Variants in ZFP2 observed in about 807,000 individuals in gnomAD.
ZFP2 encodes the protein ZFP2 zinc finger protein.
In ZFP2, 33 loss-of-function variants were observed where a neutral mutation model predicts 36.1. The ratio of observed to expected loss-of-function variants is 0.92; its 90% confidence interval spans 0.69 to 1.22. The LOEUF (loss-of-function observed/expected upper bound fraction) is 1.22, where lower values mean the gene tolerates loss of function less well. ZFP2 is among the 50% of genes most tolerant of loss of function. ZFP2 has a pLI of 0.00. For synonymous variants in ZFP2, 170 were observed against 178.0 expected (o/e 0.96, Z 0.36); for missense variants, 522 against 551.4 (o/e 0.95, Z 0.53).
At chr5:178,916,957 A>G (rs986171536) in intron 4 of ZFP2, among the ~76,000 whole-genome samples, 2 of 152,176 alleles carry the variant, frequency 1.3e-5, no homozygotes, top group Admixed American at 1.3e-4. Context: ...AAAGCTTTGT[A>G]CAGTTGAAAG....
Position 178,924,209 on chromosome 5 carries a change from T to C in ZFP2, c.-77-7028T>C, listed in dbSNP as rs1185112318. Among the ~76,000 whole-genome samples the C allele has an allele frequency of 1.3e-5, 2 of 148,192 alleles. 1 individual carries two copies. The highest frequency in any genetic ancestry group is 3.0e-5 in the Non-Finnish European group (2 of 66,068). ...TAACACGGTGAAACCCCGTCTGTACTAAAACCACAAAAAATTAGCCGGGCA... is the reference window on the plus strand; with the variant it reads ...TAACACGGTGAAACCCCGTCTGTACCAAAACCACAAAAAATTAGCCGGGCA... On this transcript the variant is annotated intron_variant, in intron 4 of 4. Coordinates refer to ENST00000361362, the MANE Select transcript of ZFP2 (RefSeq NM_030613.4).
intron 1 of ZFP2, chr5:178,910,703 T>TAGCCAAC (rs745456281): frequency 6.5e-5 from 19 of 290,460 alleles, no homozygotes; most frequent in African/African-American, 3.1e-4. Flanking sequence ...TCAGAGGAGC[T>TAGCCAAC]AGCCAACAGC....
intron 1 of ZFP2, among the ~76,000 whole-genome samples, chr5:178,897,500 C>T (rs1034674778): frequency 2.6e-5 from 4 of 152,158 alleles, no homozygotes; most frequent in Non-Finnish European, 5.9e-5. Context: ...CACGAGATTA[C>T]AAAAATGTTT....
Position 178,932,647 on chromosome 5 carries a change from A to G in ZFP2, c.1334A>G (p.Lys445Arg). The change falls in exon 5 of 5, where the codon AAA becomes AGA. Residue 445 changes from lysine (K) to arginine (R), a missense_variant. Lys to Arg is a conservative substitution (Grantham distance 26). Transcript: ENST00000361362. ...EKPYQCNECG[K>R]AFSRSTNLTR... is the part of the protein sequence containing the mutation. Reference sequence around the variant, plus strand: ...CCCTATCAGTGTAATGAATGCGGAAAAGCCTTCAGCCGGAGTACAAACCTT... The same window carrying G: ...CCCTATCAGTGTAATGAATGCGGAAGAGCCTTCAGCCGGAGTACAAACCTT... 6.2e-7 allele frequency: 1 copy of G among 1,613,152 alleles called. No individual in the cohort carries two copies. The highest frequency in any genetic ancestry group is 8.5e-7 in the Non-Finnish European group (1 of 1,179,638).
intron 1 of ZFP2, among the ~76,000 whole-genome samples, chr5:178,910,822 C>T (rs1758281629): frequency 6.6e-6 from 1 of 152,140 alleles, no homozygotes; most frequent in South Asian, 2.1e-4. Context: ...ACCCCTGCCG[C>T]CACCACCCCT....
chr5:178,919,440 A>G (rs1340273299), intron 4 of ZFP2, among the ~76,000 whole-genome samples: 1 of 152,174 alleles, frequency 6.6e-6, no homozygotes, highest in Non-Finnish European at 1.5e-5. Flanking sequence ...GTTTTCTTTC[A>G]TATGAGAATG....
In ZFP2 at chr5:178,895,941, C is replaced by G. The variant is rs1444347425; in HGVS notation, c.-483C>G. The G allele has an allele frequency of 1.3e-5, 2 of 152,386 alleles. No individual in the cohort carries two copies. The highest frequency in any genetic ancestry group is 2.4e-5 in the African/African-American group (1 of 41,470). The allele number at this position is 152,386 out of a possible 1,614,324, so 9.4% of individuals were successfully genotyped here. On this transcript the variant is annotated 5_prime_UTR_variant, in exon 1 of 5. Transcript: ENST00000361362. ...CTGTAAGCGCCGGTCGCGGCTGTGT[C>G]GGTCGCCGCTGCTCCCGCTCCTGCT...
intron 4 of ZFP2, among the ~76,000 whole-genome samples, chr5:178,923,083 T>C (rs1371391174): frequency 2.0e-5 from 3 of 149,592 alleles, no homozygotes; most frequent in Non-Finnish European, 3.0e-5. Context: ...ATGTAATTCT[T>C]TAGGTGTCTT....
intron 1 of ZFP2, among the ~76,000 whole-genome samples, chr5:178,900,964 A>G (rs899432129): frequency 1.3e-5 from 2 of 152,324 alleles, no homozygotes; most frequent in East Asian, 3.9e-4. Context: ...TTTTTGCTCA[A>G]CGTAATGTTT....
At chr5:178,906,838 G>A (rs552635946) in intron 1 of ZFP2, among the ~76,000 whole-genome samples, 13 of 150,074 alleles carry the variant, frequency 8.7e-5, no homozygotes, top group African/African-American at 3.2e-4. Context: ...GATTATAGGC[G>A]TGCACCACCA....
At chr5:178,925,600 G>A (rs895654305) in intron 4 of ZFP2, among the ~76,000 whole-genome samples, 5 of 149,562 alleles carry the variant, frequency 3.3e-5, no homozygotes, top group Non-Finnish European at 7.5e-5. Context: ...GGCGGATGTG[G>A]TAATGGCATC....
rs78804526 is a variant in ZFP2 at position 178,921,901 on chromosome 5, T to G, written c.-78+5191T>G. On this transcript the variant is annotated intron_variant, in intron 4 of 4. Coordinates refer to ENST00000361362, the MANE Select transcript of ZFP2 (RefSeq NM_030613.4). ...CATGGTGGAATAGGCCTACTCCACC[T>G]TATCAGGAAGAGGATCCTCTACTTT... is the stretch of plus-strand genomic sequence containing the variant. 9.2e-4 allele frequency among the ~76,000 whole-genome samples: 138 copies of G among 149,594 alleles called. 4 individuals are homozygous for G. The highest frequency in any genetic ancestry group is 3.1e-3 in the African/African-American group (129 of 41,340).
chr5:178,928,980 T>G (rs1173507774), intron 4 of ZFP2, among the ~76,000 whole-genome samples: 1 of 152,244 alleles, frequency 6.6e-6, no homozygotes, highest in Non-Finnish European at 1.5e-5. Flanking sequence ...ATATACCATA[T>G]CAAAGCTGCC....
intron 4 of ZFP2, among the ~76,000 whole-genome samples, chr5:178,924,827 G>A (rs1030821453): frequency 2.0e-5 from 3 of 148,092 alleles, no homozygotes; most frequent in African/African-American, 7.3e-5. Context: ...CACCCTGGGC[G>A]ACAAGAGCAA....
At chr5:178,909,298 A>G (rs575364306) in intron 1 of ZFP2, among the ~76,000 whole-genome samples, 1 of 152,322 alleles carries the variant, frequency 6.6e-6, no homozygotes, top group African/African-American at 2.4e-5. Context: ...CGTGTTTCCC[A>G]TTATCTCAAG....
intron 1 of ZFP2, among the ~76,000 whole-genome samples, chr5:178,898,738 C>T (rs1386173066): frequency 6.6e-6 from 1 of 152,216 alleles, no homozygotes; most frequent in Non-Finnish European, 1.5e-5. Context: ...GGCCTCACTG[C>T]TCAGGACAGG....
Position 178,925,815 on chromosome 5 carries a change from C to T in ZFP2, c.-77-5422C>T, listed in dbSNP as rs1309461897. Among the ~76,000 whole-genome samples, 2 of 148,990 alleles carry T rather than the reference C, an allele frequency of 1.3e-5. 1 individual carries two copies. The highest frequency in any genetic ancestry group is 1.3e-4 in the Admixed American group (2 of 14,822). On this transcript the variant is annotated intron_variant, in intron 4 of 4. Transcript: ENST00000361362. ...GGGTCATGTGTTGCAAATATCTTCT[C>T]CCAGTAGGTAGTTTCTATTTTTTTA...
intron 4 of ZFP2, among the ~76,000 whole-genome samples, chr5:178,924,128 C>T (rs1047224777): frequency 6.7e-6 from 1 of 149,114 alleles, no homozygotes; most frequent in Non-Finnish European, 1.5e-5. Context: ...AATCCCAGCA[C>T]TTTTTGAGGC....
At chr5:178,910,569 A>G (rs530105723) in intron 1 of ZFP2, 74 of 485,358 alleles carry the variant, frequency 1.5e-4, no homozygotes, top group African/African-American at 7.5e-4. Context: ...CCCAGGGTCA[A>G]TGAGGGATTC....
Sources: gnomAD v4.1 joint callset for allele counts (sites outside exome capture counted in the v4.1 genomes callset) on GRCh38, gnomAD v4.1.1 for gene constraint, MANE v1.5 for transcripts, NCBI Gene and HGNC (gene_info 2026-07-23, HGNC 2026-07-21) for gene names.